AMY2B: variants seen among roughly 807,000 people sequenced by gnomAD.
AMY2B encodes the protein alpha-amylase 2B.
A neutral mutation model predicts 59.3 loss-of-function variants in AMY2B; 63 were observed. That is an observed-to-expected ratio of 1.06 (90% CI 0.87 to 1.31). AMY2B has a LOEUF of 1.31. AMY2B is among the 50% of genes most tolerant of loss of function. The pLI is 0.00. For missense variants in AMY2B, 635 were observed against 626.7 expected, an observed-to-expected ratio of 1.01 and a Z score of -0.14; for synonymous variants, 180 against 198.1, an observed-to-expected ratio of 0.91 and a Z score of 0.77.
At chr1:103,560,703 T>C (rs1436083505) in intron 1 of AMY2B, among the ~76,000 whole-genome samples, 1 of 152,174 alleles carries the variant, frequency 6.6e-6, no homozygotes, top group East Asian at 1.9e-4. Flanking sequence ...GCAGTTGTTT[T>C]TATTTTTGAA....
At chr1:103,558,989 A>T (rs1250643311) in intron 1 of AMY2B, among the ~76,000 whole-genome samples, 3 of 152,208 alleles carry the variant, frequency 2.0e-5, no homozygotes, top group African/African-American at 7.2e-5. Flanking sequence ...AGTTATTATA[A>T]GTAATCTGAG....
At chr1:103,568,181 A>T (rs189361891), upstream of AMY2B, among the ~76,000 whole-genome samples, 1 of 152,178 alleles carries the variant, frequency 6.6e-6, no homozygotes, top group Admixed American at 6.5e-5. Context: ...TGTCTTTTTC[A>T]TAATTGTCTC....
upstream of AMY2B, among the ~76,000 whole-genome samples, chr1:103,566,663 A>G (rs556320542): frequency 1.4e-4 from 21 of 152,298 alleles, no homozygotes; most frequent in South Asian, 1.4e-3. Flanking sequence ...TAGGAGAAAC[A>G]TTAGTGTAGT....
chr1:103,577,247 G>A lies in AMY2B; in HGVS notation c.1102-243G>A, dbSNP rs1230999838. ...AGCAAAGAAGCCTTTGCAGTTCCTT[G>A]GAATGAAAAGGAGAGGATAACAATT... On this transcript the variant is annotated intron_variant, in intron 7 of 9. Coordinates refer to ENST00000684275, the MANE Select transcript of AMY2B (RefSeq NM_001387437.1). 6 of 784,492 alleles carry A rather than the reference G, an allele frequency of 7.6e-6. No individual in the cohort carries two copies. The Admixed American group carries it at 1.5e-4, about 20-fold the overall frequency. 48.6% of individuals were successfully genotyped at this position (784,492 alleles called of 1,614,324 possible).
chr1:103,578,819 T>A (rs1172520264), intron 9 of AMY2B, among the ~76,000 whole-genome samples: 3 of 147,012 alleles, frequency 2.0e-5, no homozygotes, highest in Non-Finnish European at 4.5e-5. Context: ...TAAAACCCTT[T>A]AAAAATTTTT....
intron 7 of AMY2B, among the ~76,000 whole-genome samples, chr1:103,576,859 A>G (rs1652374949): frequency 6.6e-6 from 1 of 152,238 alleles, no homozygotes; most frequent in South Asian, 2.1e-4. Context: ...TACTGTTAAT[A>G]GAGCCTATGT....
chr1:103,574,235 T>C (rs1480124174), intron 4 of AMY2B, 25 bp from the exon 5 acceptor site: 2 of 1,611,724 alleles, frequency 1.2e-6, no homozygotes, highest in Non-Finnish European at 1.7e-6. Context: ...ATGCAAAATG[T>C]TACTTTTTCC....
intron 1 of AMY2B, among the ~76,000 whole-genome samples, chr1:103,559,288 G>A (rs1215663817): frequency 2.0e-5 from 3 of 152,156 alleles, no homozygotes; most frequent in African/African-American, 7.2e-5. Context: ...CTGTGTTACA[G>A]TTGCCTATAA....
At chr1:103,576,503 C>T (rs538512857) in intron 7 of AMY2B, among the ~76,000 whole-genome samples, 2 of 152,240 alleles carry the variant, frequency 1.3e-5, no homozygotes, top group Admixed American at 6.5e-5. Flanking sequence ...ATGCTAAAAA[C>T]TCTTAGTTTT....
intron 1 of AMY2B, 84 bp downstream of exon 1, chr1:103,571,854 A>C (rs1652145030): frequency 6.2e-7 from 1 of 1,610,444 alleles, no homozygotes; most frequent in South Asian, 1.1e-5. Context: ...AAGCTTAGGC[A>C]ACATTTTACT....
upstream of AMY2B, chr1:103,570,047 A>G (rs765830785): frequency 1.4e-4 from 63 of 435,178 alleles, 1 homozygote; most frequent in Admixed American, 5.4e-4. Flanking sequence ...GTGCCCATCT[A>G]TAAGGGCTAC....
At chr1:103,555,635 C>T (rs571921459) in intron 1 of AMY2B, among the ~76,000 whole-genome samples, 10 of 152,140 alleles carry the variant, frequency 6.6e-5, no homozygotes, top group South Asian at 4.1e-4. Context: ...GCTGTATATA[C>T]GTAGGAAAAC....
chr1:103,557,700 A>G (rs1227119198), intron 1 of AMY2B, among the ~76,000 whole-genome samples: 4 of 152,168 alleles, frequency 2.6e-5, no homozygotes, highest in African/African-American at 9.7e-5. Flanking sequence ...AAATTATAAA[A>G]TAGCACTTAA....
At chr1:103,572,614 C>T (rs1652180123) in intron 2 of AMY2B, among the ~76,000 whole-genome samples, 1 of 152,078 alleles carries the variant, frequency 6.6e-6, no homozygotes. Context: ...TCCATAATTC[C>T]TGGGTTTTTC....
intron 1 of AMY2B, among the ~76,000 whole-genome samples, chr1:103,560,831 ATATTT>A (rs1651708052): frequency 6.6e-6 from 1 of 152,142 alleles, no homozygotes; most frequent in African/African-American, 2.4e-5. Flanking sequence ...TTTTCATATA[ATATTT>A]TATTTGATTT....
upstream of AMY2B, chr1:103,570,455 C>G: frequency 1.3e-6 from 1 of 742,840 alleles, no homozygotes; most frequent in Non-Finnish European, 2.4e-6. Flanking sequence ...TATCTGGTGG[C>G]AACATGTACC....
rs1652162551 is a variant in AMY2B, at chr1:103,572,201, G to C, written c.260G>C (p.Arg87Thr). The change falls in exon 2 of 10, where the codon AGA becomes ACA. Residue 87 changes from arginine to threonine, a missense_variant. Coordinates refer to ENST00000684275, the MANE Select transcript of AMY2B (RefSeq NM_001387437.1). ...CCAGTTAGCTATAAATTATGCACAA[G>C]ATCTGGAAATGAAGATGAATTTAGA... ...YQPVSYKLCTRSGNEDEFRNM... is the reference protein window; with the variant it reads ...YQPVSYKLCTTSGNEDEFRNM... The C allele has an allele frequency of 6.2e-7, 1 of 1,611,518 alleles. No homozygotes were observed. The highest frequency in any genetic ancestry group is 1.3e-5 in the African/African-American group (1 of 74,838).
At position 103,573,700 on chromosome 1, in the gene AMY2B, C is replaced by G. The variant is rs771384279; in HGVS notation, c.514-8C>G. 6.2e-7 allele frequency: 1 copy of G among 1,613,538 alleles called. No individual in the cohort carries two copies. Among genetic ancestry groups the G allele is most frequent in the Non-Finnish European group, 8.5e-7 (1 of 1,179,604 alleles). On this transcript the variant is annotated splice_polypyrimidine_tract_variant and splice_region_variant and intron_variant, in intron 3 of 9. Transcript: ENST00000684275. ...TATGAATCAATCATAACATTTTTAC[C>G]TCAACAGGTCAGAGATTGTCGTCTG...
At chr1:103,575,790 C>A (rs74109134) in intron 7 of AMY2B, 6,377 of 431,444 alleles carry the variant, frequency 0.015, 71 homozygotes, top group African/African-American at 0.03. Context: ...AAAAAAAAAA[C>A]CACTTAAAAA....
Sources: allele counts gnomAD v4.1 joint callset (sites outside exome capture counted in the v4.1 genomes callset), GRCh38; gene constraint gnomAD v4.1.1; transcripts MANE v1.5; gene names NCBI Gene and HGNC (gene_info 2026-07-23, HGNC 2026-07-21).